The following ABCC4 variants were observed in gnomAD, a reference collection of about 807,000 sequenced individuals.
ABCC4 encodes ATP binding cassette subfamily C member 4 (PEL blood group).
In ABCC4, 102 loss-of-function variants were observed where a neutral mutation model predicts 168.5. The observed-to-expected ratio is 0.61, with a 90% CI of 0.52 to 0.71. The LOEUF (loss-of-function observed/expected upper bound fraction) is 0.71. Among genes scored for constraint, ABCC4 ranks in the 30% least tolerant of loss-of-function variants. ABCC4 has a pLI of 0.00. For synonymous variants in ABCC4, 617 were observed against 590.7 expected, an observed-to-expected ratio of 1.04 and a Z score of -0.65; for missense variants, 1,402 against 1,605.8, an observed-to-expected ratio of 0.87 and a Z score of 2.17.
intron 4 of ABCC4, among the ~76,000 whole-genome samples, chr13:95,218,935 A>G (rs868378838): frequency 0.035 from 928 of 26,592 alleles, 32 homozygotes; most frequent in Middle Eastern, 0.07. Flanking sequence ...AAGAGAAAGA[A>G]AGAAAGAAAG....
intron 4 of ABCC4, among the ~76,000 whole-genome samples, chr13:95,212,099 C>G (rs149725160): frequency 1.4e-5 from 2 of 148,120 alleles, no homozygotes; most frequent in African/African-American, 5.0e-5. Flanking sequence ...TCACTTGAAC[C>G]GGGAGGCAGG....
chr13:95,122,605 T>C (rs1041293380), intron 19 of ABCC4, among the ~76,000 whole-genome samples: 1 of 152,196 alleles, frequency 6.6e-6, no homozygotes, highest in Non-Finnish European at 1.5e-5. Flanking sequence ...CCTGGCCGTG[T>C]GTCCCTGTTC....
At chr13:95,273,475 T>C (rs1177056820) in intron 1 of ABCC4, among the ~76,000 whole-genome samples, 2 of 152,162 alleles carry the variant, frequency 1.3e-5, no homozygotes, top group African/African-American at 4.8e-5. Flanking sequence ...ACCAGTTCCC[T>C]GGAGGAGCAG....
At chr13:95,164,683 C>A (rs984397987) in intron 15 of ABCC4, among the ~76,000 whole-genome samples, 165 bp from the exon 16 acceptor site, 18 of 151,992 alleles carry the variant, frequency 1.2e-4, no homozygotes, top group African/African-American at 4.1e-4. Flanking sequence ...TATACATCCA[C>A]TTATTTTTTA....
chr13:95,119,524 A>G (rs111763316), intron 19 of ABCC4, among the ~76,000 whole-genome samples: 36 of 152,340 alleles, frequency 2.4e-4, no homozygotes, highest in Middle Eastern at 3.4e-3. Context: ...ACAACATAGA[A>G]TATTATAAAA....
intron 27 of ABCC4, among the ~76,000 whole-genome samples, chr13:95,045,566 G>A (rs776106802): frequency 1.3e-5 from 2 of 152,120 alleles, no homozygotes; most frequent in African/African-American, 2.4e-5. Context: ...TGCCCCAGAC[G>A]ACGGGGATAG....
chr13:95,148,591 A>AACACACAC lies in ABCC4; in HGVS notation c.2455+12590_2455+12597dup, dbSNP rs55998383. Among the ~76,000 whole-genome samples, 897 of 129,772 alleles carry AACACACAC rather than the reference A, an allele frequency of 6.9e-3. 11 individuals are homozygous for AACACACAC. Among genetic ancestry groups the AACACACAC allele is most frequent in the Middle Eastern group, 0.019 (5 of 264 alleles). The allele number at this position is 129,772 out of a possible 152,430, so 85.1% of individuals were successfully genotyped here. On this transcript the variant is annotated intron_variant, in intron 19 of 30. Transcript: ENST00000645237. ...TCTCTCCCTCTCCCCTACCCATCAC[A>AACACACAC]ACACACACACACACACACACACACA...
intron 27 of ABCC4, among the ~76,000 whole-genome samples, chr13:95,051,088 T>C (rs1390949713): frequency 5.9e-5 from 9 of 152,218 alleles, no homozygotes; most frequent in Non-Finnish European, 1.3e-4. Flanking sequence ...AATTTCACTG[T>C]ACAGAGATTC....
chr13:95,185,225 G>A (rs1383530889), intron 11 of ABCC4, among the ~76,000 whole-genome samples: 1 of 152,186 alleles, frequency 6.6e-6, no homozygotes, highest in Non-Finnish European at 1.5e-5. Flanking sequence ...ACAGCTTTGT[G>A]TGTGCATATG....
chr13:95,195,579 T>C (rs1471489460), intron 8 of ABCC4, among the ~76,000 whole-genome samples: 1 of 152,152 alleles, frequency 6.6e-6, no homozygotes, highest in African/African-American at 2.4e-5. Context: ...AGAAAAAAGG[T>C]TTCTATCTCT....
At chr13:95,225,960 T>C (rs2039451365) in intron 4 of ABCC4, among the ~76,000 whole-genome samples, 1 of 80,876 alleles carries the variant, frequency 1.2e-5, no homozygotes, top group Non-Finnish European at 2.3e-5. Context: ...TGAGACTCCA[T>C]CTCCACTTAA....
chr13:95,161,512 G>C (rs950361375), intron 18 of ABCC4, among the ~76,000 whole-genome samples, 177 bp from the exon 19 acceptor site: 1 of 152,092 alleles, frequency 6.6e-6, no homozygotes, highest in African/African-American at 2.4e-5. Flanking sequence ...GATTAAAATA[G>C]TTTATTTTTC....
At chr13:95,097,293 G>C (rs2034635084) in intron 20 of ABCC4, among the ~76,000 whole-genome samples, 1 of 152,010 alleles carries the variant, frequency 6.6e-6, no homozygotes, top group South Asian at 2.1e-4. Context: ...ATACCAAGAT[G>C]GTAGACTTAA....
chr13:95,132,298 T>C (rs1317670662), intron 19 of ABCC4, among the ~76,000 whole-genome samples: 3 of 152,136 alleles, frequency 2.0e-5, no homozygotes, highest in African/African-American at 7.2e-5. Flanking sequence ...TCACTGCAAC[T>C]TCCGCCTCCT....
intron 19 of ABCC4, among the ~76,000 whole-genome samples, chr13:95,150,048 A>C (rs893740435): frequency 6.6e-6 from 1 of 152,116 alleles, no homozygotes; most frequent in Non-Finnish European, 1.5e-5. Context: ...ATCATAGCTC[A>C]CTGCAGCTTC....
chr13:95,214,272 GA>G (rs1368849619), intron 4 of ABCC4, among the ~76,000 whole-genome samples: 1 of 151,894 alleles, frequency 6.6e-6, no homozygotes, highest in Admixed American at 6.6e-5. Flanking sequence ...TTAAGAAAAA[GA>G]ACAAAGACTG....
intron 21 of ABCC4, among the ~76,000 whole-genome samples, chr13:95,077,285 G>A (rs191456755): frequency 2.0e-5 from 3 of 152,324 alleles, no homozygotes; most frequent in Admixed American, 2.0e-4. Context: ...TAGCTCCAGA[G>A]AAGACCCTGT....
chr13:95,188,448 C>G lies in ABCC4; in HGVS notation c.1353+5G>C, dbSNP rs773348433. 6.2e-6 allele frequency: 10 copies of G among 1,613,932 alleles called. No homozygotes were observed. Among genetic ancestry groups the G allele is most frequent in the Non-Finnish European group, 8.5e-6 (10 of 1,179,938 alleles). ...AACAAGCTGCCAAAAGCCATTCTAA[C>G]TCACCTTCCCTGCTCCCACGGGGCC... On this transcript the variant is annotated splice_donor_5th_base_variant and intron_variant, in intron 10 of 30. Transcript: ENST00000645237.
At chr13:95,089,448 T>C (rs2034359941) in intron 20 of ABCC4, among the ~76,000 whole-genome samples, 1 of 151,992 alleles carries the variant, frequency 6.6e-6, no homozygotes, top group South Asian at 2.1e-4. Flanking sequence ...TGAAACCCCG[T>C]CTCTACTAAA....
Sources: allele counts gnomAD v4.1 joint callset (sites outside exome capture counted in the v4.1 genomes callset), GRCh38; gene constraint gnomAD v4.1.1; transcripts MANE v1.5; gene names NCBI Gene and HGNC (gene_info 2026-07-23, HGNC 2026-07-21).